Variants in ZFHX3 observed in about 807,000 individuals in gnomAD.
The protein encoded by ZFHX3 is zinc finger homeobox protein 3.
A neutral mutation model predicts 279.1 loss-of-function variants in ZFHX3; 42 were observed. The observed-to-expected ratio is 0.15, with a 90% CI of 0.12 to 0.19. The LOEUF (loss-of-function observed/expected upper bound fraction) is 0.19. Among genes scored for constraint, ZFHX3 ranks in the 10% least tolerant of loss-of-function variants. The pLI is 1.00. For synonymous variants in ZFHX3, 2,293 were observed against 1,957.8 expected, an observed-to-expected ratio of 1.17 and a Z score of -4.52; for missense variants, 4,981 against 4,754.0, an observed-to-expected ratio of 1.05 and a Z score of -1.40.
intron 1 of ZFHX3, among the ~76,000 whole-genome samples, chr16:73,780,002 A>G (rs1456418896): frequency 4.1e-5 from 2 of 48,946 alleles, no homozygotes; most frequent in Non-Finnish European, 7.7e-5. Flanking sequence ...AAGCCTTTCT[A>G]AGACTTTTTT....
chr16:73,549,235 T>G (rs1459442823), intron 2 of ZFHX3, among the ~76,000 whole-genome samples: 1 of 152,144 alleles, frequency 6.6e-6, no homozygotes. Context: ...TGAAGAAATA[T>G]TGCATGGAAA....
chr16:72,834,106 G>A (rs1399894685), intron 4 of ZFHX3, among the ~76,000 whole-genome samples: 5 of 152,144 alleles, frequency 3.3e-5, no homozygotes, highest in African/African-American at 1.2e-4. Flanking sequence ...AATTAGCTGG[G>A]TGTGATGGCA....
chr16:73,794,095 T>G (rs1959915045), intron 1 of ZFHX3: 1 of 152,246 alleles, frequency 6.6e-6, no homozygotes, highest in South Asian at 2.1e-4. Context: ...GGTCCTCGCC[T>G]GCTCTCCAAC....
chr16:73,168,216 T>C (rs1967426668), intron 5 of ZFHX3, among the ~76,000 whole-genome samples: 1 of 92,176 alleles, frequency 1.1e-5, no homozygotes, highest in Admixed American at 1.1e-4. Context: ...TTTTGTTTTC[T>C]TTCTTTCTTT....
chr16:73,355,263 A>T (rs2016319052), intron 3 of ZFHX3, among the ~76,000 whole-genome samples: 1 of 152,128 alleles, frequency 6.6e-6, no homozygotes, highest in Non-Finnish European at 1.5e-5. Flanking sequence ...TTCTCTTCTT[A>T]TGTATGTTTT....
intron 4 of ZFHX3, among the ~76,000 whole-genome samples, chr16:73,270,196 A>AT (rs1293193198): frequency 6.6e-6 from 1 of 152,178 alleles, no homozygotes; most frequent in Non-Finnish European, 1.5e-5. Flanking sequence ...TTTAGATTGC[A>AT]TTTTCCTAAG....
chr16:73,245,274 G>T (rs867614573), intron 5 of ZFHX3, among the ~76,000 whole-genome samples: 15 of 152,026 alleles, frequency 9.9e-5, no homozygotes, highest in South Asian at 8.3e-4. Context: ...CTGTTTTTTT[G>T]TTTGTTTCTT....
chr16:73,806,631 A>G (rs328381), intron 1 of ZFHX3, among the ~76,000 whole-genome samples: 11,662 of 152,196 alleles, frequency 0.077, 1,061 homozygotes, highest in African/African-American at 0.23. Context: ...ATGAGCCCCA[A>G]TGTGCCATCC....
intron 9 of ZFHX3, among the ~76,000 whole-genome samples, chr16:72,791,855 G>A (rs1320767582): frequency 6.6e-6 from 1 of 152,324 alleles, no homozygotes; most frequent in Non-Finnish European, 1.5e-5. Context: ...CAGGAATGCA[G>A]TGGCCTTATG....
At chr16:73,797,222 C>A (rs752105286) in intron 1 of ZFHX3, among the ~76,000 whole-genome samples, 1 of 121,856 alleles carries the variant, frequency 8.2e-6, no homozygotes, top group Non-Finnish European at 1.7e-5. Flanking sequence ...AAACAAACAA[C>A]AACAACAACA....
At chr16:72,860,775 G>A (rs2037868220) in intron 4 of ZFHX3, among the ~76,000 whole-genome samples, 1 of 152,118 alleles carries the variant, frequency 6.6e-6, no homozygotes, top group Admixed American at 6.5e-5. Context: ...CCACCCTATG[G>A]ACCGCCCTCA....
chr16:72,911,190 A>G (rs916582987), intron 3 of ZFHX3, among the ~76,000 whole-genome samples: 14 of 152,258 alleles, frequency 9.2e-5, no homozygotes, highest in Non-Finnish European at 4.4e-5. Flanking sequence ...GAATGAGTGT[A>G]GCTTCACAAG....
intron 4 of ZFHX3, among the ~76,000 whole-genome samples, chr16:72,836,914 T>G (rs1378016793): frequency 6.6e-6 from 1 of 152,176 alleles, no homozygotes; most frequent in Non-Finnish European, 1.5e-5. Context: ...GGAGCATCTA[T>G]TTACTCATCA....
intron 3 of ZFHX3, among the ~76,000 whole-genome samples, chr16:73,342,856 C>T (rs1056236883): frequency 1.3e-5 from 2 of 152,042 alleles, no homozygotes; most frequent in Non-Finnish European, 2.9e-5. Context: ...ACAAATGAAC[C>T]AAAAAGTATT....
At chr16:72,845,382 G>A (rs567198008) in intron 4 of ZFHX3, among the ~76,000 whole-genome samples, 2 of 152,240 alleles carry the variant, frequency 1.3e-5, no homozygotes, top group South Asian at 2.1e-4. Flanking sequence ...CAGTTCATCA[G>A]CACAGTGCAG....
chr16:73,040,454 T>C (rs1012564341), intron 1 of ZFHX3, among the ~76,000 whole-genome samples: 2 of 151,888 alleles, frequency 1.3e-5, no homozygotes, highest in Non-Finnish European at 2.9e-5. Context: ...TCAGGCCTAT[T>C]AGCATACACA....
rs111809700 is a variant in ZFHX3, at chr16:73,219,570, C to A, written c.-1104+37477G>T. On this transcript the variant is annotated intron_variant, in intron 5 of 17. Coordinates refer to the ZFHX3 transcript ENST00000641206. ...TCAAAGCCCTGTTGCATCTATGAGA[C>A]CCTGCTGTCTGAGGGGTACTGCAAT... is the stretch of plus-strand genomic sequence containing the variant. Among the ~76,000 whole-genome samples the A allele has an allele frequency of 8.3e-3, 1,267 of 152,316 alleles. 5 individuals carry two copies. Among genetic ancestry groups the A allele is most frequent in the Non-Finnish European group, 0.013 (863 of 68,028 alleles).
intron 1 of ZFHX3, among the ~76,000 whole-genome samples, chr16:73,805,225 A>G (rs974917007): frequency 2.6e-5 from 4 of 151,842 alleles, no homozygotes; most frequent in African/African-American, 9.7e-5. Context: ...CTGGAGTGCA[A>G]TGGCACAACC....
At chr16:72,857,243 G>A (rs1337530401) in intron 4 of ZFHX3, among the ~76,000 whole-genome samples, 1 of 152,218 alleles carries the variant, frequency 6.6e-6, no homozygotes, top group African/African-American at 2.4e-5. Context: ...AGAGCTAATT[G>A]GTTGGCAAGA....
Sources: allele counts gnomAD v4.1 joint callset (sites outside exome capture counted in the v4.1 genomes callset), GRCh38; gene constraint gnomAD v4.1.1; transcripts MANE v1.5; gene names NCBI Gene and HGNC (gene_info 2026-07-23, HGNC 2026-07-21).